DOCK4: variants seen among roughly 807,000 people sequenced by gnomAD.
The protein encoded by DOCK4 is dedicator of cytokinesis protein 4.
In DOCK4, 97 loss-of-function variants were observed where a neutral mutation model predicts 268.1. The ratio of observed to expected loss-of-function variants is 0.36; its 90% CI spans 0.31 to 0.43. The LOEUF is 0.43. Ranked by LOEUF, DOCK4 falls within the 20% of genes least tolerant of loss-of-function variation. The pLI is 1.00. For synonymous variants in DOCK4, 954 were observed against 887.2 expected (o/e 1.08, Z -1.34); for missense variants, 2,145 against 2,455.7 (o/e 0.87, Z 2.67).
chr7:111,855,583 G>C (rs1486208452), intron 23 of DOCK4, among the ~76,000 whole-genome samples: 2 of 152,138 alleles, frequency 1.3e-5, no homozygotes, highest in Non-Finnish European at 2.9e-5. Flanking sequence ...GCTCCGAGGA[G>C]AGATCTGGCC....
intron 1 of DOCK4, among the ~76,000 whole-genome samples, chr7:112,147,564 C>T (rs533795825): frequency 6.6e-6 from 1 of 152,184 alleles, no homozygotes; most frequent in South Asian, 2.1e-4. Flanking sequence ...CCTCAAAATA[C>T]CCTCAAAGGT....
chr7:112,009,726 T>A (rs1326543292), intron 1 of DOCK4, among the ~76,000 whole-genome samples: 2 of 152,012 alleles, frequency 1.3e-5, no homozygotes, highest in Admixed American at 1.3e-4. Context: ...GGAAAAGAGA[T>A]AAAGGGGTAG....
intron 1 of DOCK4, among the ~76,000 whole-genome samples, chr7:112,119,368 C>T (rs1224009761): frequency 6.6e-6 from 1 of 151,768 alleles, no homozygotes; most frequent in Admixed American, 6.6e-5. Flanking sequence ...CAATAAAGGG[C>T]AAATATGTCC....
chr7:111,804,139 C>T (rs1800494636), intron 30 of DOCK4, among the ~76,000 whole-genome samples: 1 of 152,138 alleles, frequency 6.6e-6, no homozygotes, highest in Admixed American at 6.5e-5. Context: ...TTTTATATGC[C>T]CACGTTCAGA....
rs184875380 is a variant in DOCK4 at position 112,177,131 on chromosome 7, A to G, written c.37+28971T>C. 1.1e-4 allele frequency among the ~76,000 whole-genome samples: 16 copies of G among 152,340 alleles called. No homozygotes were observed. In the East Asian group the frequency reaches 1.4e-3, roughly 13 times the overall value. ...GGGAGAGACATTAGAAATCTATATG[A>G]TCCTCGCAGAGTGGTGCCTGTCCCT... On this transcript the variant is annotated intron_variant, in intron 1 of 52. Transcript: ENST00000428084.
At chr7:111,755,659 A>G in intron 41 of DOCK4, 58 bp from the exon 42 acceptor site, 1 of 1,492,402 alleles carries the variant, frequency 6.7e-7, no homozygotes, top group Non-Finnish European at 9.3e-7. Context: ...AGCTACTTCC[A>G]TGACTAGTGT....
intron 23 of DOCK4, among the ~76,000 whole-genome samples, chr7:111,859,183 T>C (rs1805276494): frequency 6.6e-6 from 1 of 152,152 alleles, no homozygotes; most frequent in Non-Finnish European, 1.5e-5. Context: ...CACACCTGAC[T>C]ATTTTTTGTT....
rs1185140610 is a variant in DOCK4, at chr7:111,788,758, C to A, written c.3316-11G>T. On this transcript the variant is annotated splice_polypyrimidine_tract_variant and intron_variant, in intron 31 of 52. Transcript: ENST00000428084. ...TAGCTTGGCTTCCACCTGAAACATA[C>A]CCAACTATTATTCTCTTTCCTCCCC... 1 of 1,574,870 alleles carries A rather than the reference C, an allele frequency of 6.3e-7. No individual in the cohort carries two copies. Among genetic ancestry groups the A allele is most frequent in the South Asian group, 1.2e-5 (1 of 86,182 alleles).
At chr7:111,796,546 A>T (rs1799906984) in intron 30 of DOCK4, among the ~76,000 whole-genome samples, 1 of 152,214 alleles carries the variant, frequency 6.6e-6, no homozygotes, top group Admixed American at 6.5e-5. Context: ...AGCAAAAAAG[A>T]TGGCCATTTG....
intron 35 of DOCK4, among the ~76,000 whole-genome samples, chr7:111,778,623 T>C (rs1652014108): frequency 6.6e-6 from 1 of 152,204 alleles, no homozygotes; most frequent in Non-Finnish European, 1.5e-5. Flanking sequence ...TTTGTTAGTT[T>C]AAATGTCAAT....
At chr7:112,200,730 A>AAAAAT (rs1448766007) in intron 1 of DOCK4, among the ~76,000 whole-genome samples, 8 of 114,692 alleles carry the variant, frequency 7.0e-5, no homozygotes, top group East Asian at 6.6e-4. Context: ...TAAAATAAAA[A>AAAAAT]AAAAAAAACA....
chr7:111,868,509 G>A (rs529624025), intron 21 of DOCK4, among the ~76,000 whole-genome samples: 6 of 152,230 alleles, frequency 3.9e-5, no homozygotes, highest in South Asian at 2.1e-4. Context: ...TCAGGAGCTC[G>A]AGACCAGCCT....
chr7:111,971,165 T>G (rs1037644639), intron 8 of DOCK4: 2 of 152,600 alleles, frequency 1.3e-5, no homozygotes, highest in Admixed American at 6.5e-5. Flanking sequence ...ACTTTGCTAT[T>G]TTGTTTTTTG....
intron 1 of DOCK4, among the ~76,000 whole-genome samples, chr7:112,152,164 T>C (rs1234292300): frequency 6.6e-6 from 1 of 152,128 alleles, no homozygotes; most frequent in Non-Finnish European, 1.5e-5. Flanking sequence ...TTAGAGAAGC[T>C]AAAGAAAAAA....
intron 4 of DOCK4, among the ~76,000 whole-genome samples, chr7:111,996,833 A>G (rs1236341831): frequency 1.3e-5 from 2 of 152,226 alleles, no homozygotes; most frequent in African/African-American, 4.8e-5. Flanking sequence ...TTTAAAAACC[A>G]TATCCTACCC....
At chr7:111,775,145 G>A (rs1798364819) in intron 36 of DOCK4, among the ~76,000 whole-genome samples, 1 of 152,182 alleles carries the variant, frequency 6.6e-6, no homozygotes, top group African/African-American at 2.4e-5. Context: ...ATTTGAGGGA[G>A]GCTAGAAAAG....
chr7:111,872,575 A>C lies in DOCK4; in HGVS notation c.1745-11T>G. The C allele has an allele frequency of 1.3e-6, 2 of 1,565,660 alleles. No homozygotes were observed. Among genetic ancestry groups the C allele is most frequent in the South Asian group, 2.4e-5 (2 of 83,872 alleles). ...GATCAAGCATATCACCTTTCAAAAT[A>C]GAAAAGGAAGATTAATTGCCTTAAT... On this transcript the variant is annotated splice_polypyrimidine_tract_variant and intron_variant, in intron 17 of 52. Transcript: ENST00000428084.
chr7:111,983,150 G>T (rs1323355057), intron 7 of DOCK4, among the ~76,000 whole-genome samples: 1 of 152,112 alleles, frequency 6.6e-6, no homozygotes, highest in African/African-American at 2.4e-5. Flanking sequence ...CTGACACAAT[G>T]AAGTGTAGAT....
At chr7:111,780,101 C>A (rs954913576) in intron 35 of DOCK4, among the ~76,000 whole-genome samples, 1 of 152,058 alleles carries the variant, frequency 6.6e-6, no homozygotes, top group African/African-American at 2.4e-5. Flanking sequence ...AATAATGGAC[C>A]GATCTAGCAA....
Sources: gnomAD v4.1 joint callset for allele counts (sites outside exome capture counted in the v4.1 genomes callset) on GRCh38, gnomAD v4.1.1 for gene constraint, MANE v1.5 for transcripts, NCBI Gene and HGNC (gene_info 2026-07-23, HGNC 2026-07-21) for gene names.